The following XYLT1 variants were observed in gnomAD, a reference collection of about 807,000 sequenced individuals.
XYLT1 encodes xylosyltransferase 1, also known as beta-D-xylosyltransferase 1.
A neutral mutation model predicts 91.3 loss-of-function variants in XYLT1; 36 were observed. That is an observed-to-expected ratio of 0.39 (90% CI 0.30 to 0.52). The LOEUF is 0.52. XYLT1 is among the 20% of genes least tolerant of loss of function. The probability of loss-of-function intolerance (pLI) is 0.68; values close to 1 mark genes in which losing one functional copy is unlikely to be tolerated. For missense variants in XYLT1, 1,242 were observed against 1,284.5 expected, an observed-to-expected ratio of 0.97 and a Z score of 0.51; for synonymous variants, 588 against 532.0, an observed-to-expected ratio of 1.11 and a Z score of -1.45.
rs532311428 is a variant in XYLT1, at chr16:17,326,046, T to C, written c.402+31966A>G. 1.0e-3 allele frequency among the ~76,000 whole-genome samples: 152 copies of C among 152,320 alleles called. 1 individual carries two copies. In the South Asian group the frequency reaches 0.013, roughly 13 times the overall value. On this transcript the variant is annotated intron_variant, in intron 2 of 11. Transcript: ENST00000261381. ...TACAAAAAAAAGTGCATGTACTTAA[T>C]GTATGCATTTTGAAGAGTCTGGATA...
chr16:17,453,813 C>T (rs538665975), intron 1 of XYLT1, among the ~76,000 whole-genome samples: 1 of 152,296 alleles, frequency 6.6e-6, no homozygotes, highest in East Asian at 1.9e-4. Context: ...CCTAATTCTG[C>T]CAAACCTGTT....
chr16:17,107,625 G>A lies in XYLT1; in HGVS notation c.*1070C>T, dbSNP rs147337673. The A allele has an allele frequency of 8.3e-3, 1,273 of 152,842 alleles. 9 individuals carry two copies. Among genetic ancestry groups the A allele is most frequent in the Non-Finnish European group, 0.012 (789 of 68,104 alleles). 9.5% of individuals were successfully genotyped at this position (152,842 alleles called of 1,614,324 possible). A position where few individuals can be genotyped will look rare whatever the true frequency, so the allele number is the denominator to read the frequency against. ...TGGTTTGGTCACTCCCAACAGCACCGGTGTGCAATTGACGAAGGTTTTGTG... is the reference window on the plus strand; with the variant it reads ...TGGTTTGGTCACTCCCAACAGCACCAGTGTGCAATTGACGAAGGTTTTGTG... On this transcript the variant is annotated 3_prime_UTR_variant, in exon 12 of 12. Transcript: ENST00000261381.
chr16:17,440,033 C>A (rs796731188), intron 1 of XYLT1, among the ~76,000 whole-genome samples: 11 of 152,334 alleles, frequency 7.2e-5, no homozygotes, highest in African/African-American at 2.6e-4. Flanking sequence ...TCTCTTAGAT[C>A]CTTGGCTTTT....
intron 5 of XYLT1, among the ~76,000 whole-genome samples, chr16:17,186,734 T>C (rs1386432736): frequency 6.6e-6 from 1 of 152,168 alleles, no homozygotes; most frequent in Non-Finnish European, 1.5e-5. Context: ...GCCTGACGCA[T>C]GACGGGTGCT....
intron 1 of XYLT1, among the ~76,000 whole-genome samples, chr16:17,366,208 A>G (rs370159430): frequency 6.6e-6 from 1 of 152,208 alleles, no homozygotes; most frequent in African/African-American, 2.4e-5. Context: ...CTGGATGTGT[A>G]TTCTTGCAAG....
chr16:17,375,422 G>A (rs2035585808), intron 1 of XYLT1, among the ~76,000 whole-genome samples: 1 of 140,796 alleles, frequency 7.1e-6, no homozygotes, highest in South Asian at 2.2e-4. Context: ...CAAAAACCCT[G>A]TCGCAATGCA....
intron 8 of XYLT1, among the ~76,000 whole-genome samples, chr16:17,137,052 C>G (rs959455566): frequency 6.6e-6 from 1 of 152,090 alleles, no homozygotes; most frequent in Non-Finnish European, 1.5e-5. Flanking sequence ...ATCCTTTCTG[C>G]AGGGAAGATG....
rs1354198600 is a variant in XYLT1 at position 17,259,255 on chromosome 16, C to T, written c.646G>A (p.Val216Met). 2.5e-6 allele frequency: 4 copies of T among 1,614,062 alleles called. No individual in the cohort carries two copies. Among genetic ancestry groups the T allele is most frequent in the Non-Finnish European group, 3.4e-6 (4 of 1,179,980 alleles). ...GCGGCTCTGTCCCCGGGAGGCAGCA[C>T]CTCACCGGGGCCTTTCCCAGGGAAT... ...HTFPGKGPGE[V>M]LPPGDRAAAN... The change falls in exon 3 of 12, where the codon GTG becomes ATG. Residue 216 changes from valine (V) to methionine (M), a missense_variant. Physicochemically the swap from Val to Met is conservative, Grantham distance 21. This residue lies in a region of XYLT1 where 437 missense variants were observed against 411.5 expected (regional missense o/e 1.06). Coordinates refer to ENST00000261381, the MANE Select transcript of XYLT1 (RefSeq NM_022166.4).
At chr16:17,361,644 C>A (rs1470595502) in intron 1 of XYLT1, among the ~76,000 whole-genome samples, 1 of 152,158 alleles carries the variant, frequency 6.6e-6, no homozygotes, top group Non-Finnish European at 1.5e-5. Flanking sequence ...AATAAGTGAC[C>A]ATCAGGATCT....
At chr16:17,439,000 C>A (rs2036497778) in intron 1 of XYLT1, among the ~76,000 whole-genome samples, 1 of 152,100 alleles carries the variant, frequency 6.6e-6, no homozygotes, top group South Asian at 2.1e-4. Context: ...TCTGTTTTCT[C>A]ATTTATAAAT....
In XYLT1 at chr16:17,117,904, C is replaced by T; in HGVS notation, c.2299G>A (p.Val767Met). The T allele has an allele frequency of 6.2e-7, 1 of 1,614,116 alleles. No individual in the cohort carries two copies. The highest frequency in any genetic ancestry group is 8.5e-7 in the Non-Finnish European group (1 of 1,180,010). ...GGLLGPMDEP[V>M]GMQKWGKGPN... ...CCCTTCCCCCACTTCTGCATACCCA[C>T]CGGCTCATCCATGGGCCCCAGAAGA... Residue 767 changes from valine (V) to methionine (M), a missense_variant, in exon 11 of 12, where the codon GTG becomes ATG. Physicochemically the swap from Val to Met is conservative, Grantham distance 21. This residue lies in a region of XYLT1 where 511 missense variants were observed against 497.0 expected (regional missense o/e 1.03). Transcript: ENST00000261381.
At chr16:17,215,856 C>G (rs1376935496) in intron 3 of XYLT1, among the ~76,000 whole-genome samples, 1 of 152,206 alleles carries the variant, frequency 6.6e-6, no homozygotes, top group African/African-American at 2.4e-5. Flanking sequence ...GGGCCGACAG[C>G]AGAGGCATCA....
chr16:17,147,300 A>G (rs2031159964), intron 6 of XYLT1, among the ~76,000 whole-genome samples: 1 of 152,190 alleles, frequency 6.6e-6, no homozygotes, highest in Admixed American at 6.5e-5. Flanking sequence ...TGAAACTTTC[A>G]ATTTTAGATA....
rs1474622075 is a variant in XYLT1 at position 17,138,266 on chromosome 16, G to T, written c.1764+89C>A. ...GCCAGGTTTGGGCACCATGTGATAA[G>T]ATGACCTGCAGGTCTGGCCTTGGAT... On this transcript the variant is annotated intron_variant, in intron 8 of 11. Coordinates refer to ENST00000261381, the MANE Select transcript of XYLT1 (RefSeq NM_022166.4). 8.0e-6 allele frequency: 12 copies of T among 1,497,076 alleles called. No homozygotes were observed. The African/African-American group carries it at 1.1e-4, about 14-fold the overall frequency. 92.7% of individuals were successfully genotyped at this position (1,497,076 alleles called of 1,614,324 possible).
At chr16:17,339,955 T>C (rs546459817) in intron 2 of XYLT1, among the ~76,000 whole-genome samples, 16 of 151,718 alleles carry the variant, frequency 1.1e-4, no homozygotes, top group South Asian at 2.1e-4. Context: ...CCCTCCATCA[T>C]ACATCCATCC....
intron 1 of XYLT1, among the ~76,000 whole-genome samples, chr16:17,442,306 TA>T: frequency 6.6e-6 from 1 of 152,294 alleles, no homozygotes; most frequent in African/African-American, 2.4e-5. Flanking sequence ...GAACCCTGAC[TA>T]AAAAAGCTGT....
chr16:17,196,984 C>G (rs2032438097), intron 5 of XYLT1, among the ~76,000 whole-genome samples: 1 of 143,640 alleles, frequency 7.0e-6, no homozygotes, highest in Admixed American at 7.3e-5. Flanking sequence ...GCACTCCAGC[C>G]TGGGTGACAG....
In XYLT1 at chr16:17,225,346, G is replaced by A. The variant is rs1343490512; in HGVS notation, c.914-24692C>T. Among the ~76,000 whole-genome samples the A allele has an allele frequency of 2.6e-5, 4 of 152,086 alleles. No individual in the cohort carries two copies. In the East Asian group the frequency reaches 7.7e-4, roughly 29 times the overall value. Reference sequence around the variant, plus strand: ...ATAATTTGCAGGGCTCACTACAGATGAAAATGCAAGGCCCCTTGTTCAAAA... The same window carrying A: ...ATAATTTGCAGGGCTCACTACAGATAAAAATGCAAGGCCCCTTGTTCAAAA... On this transcript the variant is annotated intron_variant, in intron 3 of 11. Transcript: ENST00000261381.
intron 2 of XYLT1, among the ~76,000 whole-genome samples, chr16:17,290,224 G>C (rs2034200742): frequency 6.6e-6 from 1 of 152,186 alleles, no homozygotes; most frequent in Non-Finnish European, 1.5e-5. Flanking sequence ...TTTCAACCAA[G>C]GAAAGTTAGG....
Sources: allele counts gnomAD v4.1 joint callset (sites outside exome capture counted in the v4.1 genomes callset), GRCh38; gene constraint gnomAD v4.1.1; regional missense constraint gnomAD v4.1.1; transcripts MANE v1.5; gene names NCBI Gene and HGNC (gene_info 2026-07-23, HGNC 2026-07-21).